EPHB2: variants seen among roughly 807,000 people sequenced by gnomAD.
EPHB2 encodes the protein EPH receptor B2.
Under a neutral mutation model 96.4 loss-of-function variants are expected in EPHB2, and 18 were observed. The observed-to-expected ratio is 0.19, with a 90% CI of 0.13 to 0.28. The LOEUF (loss-of-function observed/expected upper bound fraction) is 0.28, where lower values mean the gene tolerates loss of function less well. EPHB2 is among the 10% of genes least tolerant of loss of function. EPHB2 has a pLI of 1.00. For synonymous variants in EPHB2, 506 were observed against 534.1 expected (o/e 0.95, Z 0.72); for missense variants, 989 against 1,355.4 (o/e 0.73, Z 4.25).
chr1:22,735,518 C>T (rs996263185), intron 1 of EPHB2, among the ~76,000 whole-genome samples: 1 of 152,098 alleles, frequency 6.6e-6, no homozygotes, highest in Non-Finnish European at 1.5e-5. Flanking sequence ...TACTTTCTGC[C>T]TTTGGAAAAG....
chr1:22,750,202 C>G (rs553241035), intron 1 of EPHB2, among the ~76,000 whole-genome samples: 57 of 152,282 alleles, frequency 3.7e-4, no homozygotes, highest in African/African-American at 1.3e-3. Flanking sequence ...GGCCACCTCT[C>G]TATGAAAAGA....
intron 1 of EPHB2, among the ~76,000 whole-genome samples, chr1:22,735,533 C>T (rs890461210): frequency 6.6e-6 from 1 of 152,090 alleles, no homozygotes; most frequent in African/African-American, 2.4e-5. Flanking sequence ...GAAAAGACTG[C>T]TGGCTTACCC....
intron 1 of EPHB2, among the ~76,000 whole-genome samples, chr1:22,724,885 G>C (rs997257317): frequency 1.3e-5 from 2 of 152,170 alleles, no homozygotes; most frequent in African/African-American, 4.8e-5. Flanking sequence ...CCACCATACT[G>C]TTTCATGTTG....
chr1:22,850,506 G>T (rs988846525), intron 3 of EPHB2, among the ~76,000 whole-genome samples: 1 of 152,222 alleles, frequency 6.6e-6, no homozygotes, highest in Admixed American at 6.5e-5. Flanking sequence ...TGCGGGAGGG[G>T]CCTGGGCCTG....
chr1:22,745,076 G>A (rs574058133), intron 1 of EPHB2, among the ~76,000 whole-genome samples: 3 of 152,278 alleles, frequency 2.0e-5, no homozygotes, highest in South Asian at 2.1e-4. Flanking sequence ...CCAAGGGTCA[G>A]CTGTATATAC....
At chr1:22,882,948 C>T (rs1639099541) in intron 6 of EPHB2, 1 of 236,398 alleles carries the variant, frequency 4.2e-6, no homozygotes, top group East Asian at 1.1e-4. Context: ...CACTCGCCTG[C>T]ATGCCCTTTG....
intron 1 of EPHB2, among the ~76,000 whole-genome samples, chr1:22,718,524 T>C (rs1169253561): frequency 6.6e-6 from 1 of 151,782 alleles, no homozygotes. Flanking sequence ...GTAGCTGGGA[T>C]TACAGATGCC....
At chr1:22,817,319 GA>G (rs1255533259) in intron 3 of EPHB2, among the ~76,000 whole-genome samples, 1 of 152,238 alleles carries the variant, frequency 6.6e-6, no homozygotes, top group Non-Finnish European at 1.5e-5. Context: ...ACCACGCTCT[GA>G]AGCAGGTCCT....
Position 22,785,002 on chromosome 1 carries a change from A to G in EPHB2, c.737A>G (p.Glu246Gly). ...AAGCTCTACTGTAACGGGGACGGCG[A>G]GTGGCTGGTGCCCATCGGGCGCTGC... ...PIKLYCNGDG[E>G]WLVPIGRCMC... The change falls in exon 3 of 16, where the codon GAG becomes GGG. Residue 246 changes from glutamate (E) to glycine (G), a missense_variant. Transcript: ENST00000374630. 1.2e-6 allele frequency: 2 copies of G among 1,613,880 alleles called. No individual in the cohort carries two copies. Among genetic ancestry groups the G allele is most frequent in the South Asian group, 1.1e-5 (1 of 91,092 alleles).
chr1:22,815,389 A>C (rs931720144), intron 3 of EPHB2, among the ~76,000 whole-genome samples: 3 of 152,236 alleles, frequency 2.0e-5, no homozygotes, highest in African/African-American at 7.2e-5. Context: ...AAAAGAAATG[A>C]GTTGCCCAAG....
chr1:22,824,584 G>T (rs1278290530), intron 3 of EPHB2, among the ~76,000 whole-genome samples: 1 of 152,232 alleles, frequency 6.6e-6, no homozygotes, highest in Non-Finnish European at 1.5e-5. Flanking sequence ...GACGGGTGGA[G>T]GCTGGGCCTG....
In EPHB2 at chr1:22,773,110, A is replaced by G. The variant is rs146485206; in HGVS notation, c.62-8311A>G. 6.9e-3 allele frequency among the ~76,000 whole-genome samples: 1,054 copies of G among 152,300 alleles called. 35 individuals are homozygous for G. Among genetic ancestry groups the G allele is most frequent in the Admixed American group, 0.049 (746 of 15,282 alleles). ...TATGGTCCAGCCTTTGCATACTGTA[A>G]AAACCTTTGGCTCCCAATGCCTCCT... On this transcript the variant is annotated intron_variant, in intron 1 of 15. Coordinates refer to ENST00000374630, the MANE Select transcript of EPHB2 (RefSeq NM_017449.5).
chr1:22,821,962 G>A (rs1480642106), intron 3 of EPHB2, among the ~76,000 whole-genome samples: 1 of 152,122 alleles, frequency 6.6e-6, no homozygotes, highest in Non-Finnish European at 1.5e-5. Context: ...TGTGGAAGGG[G>A]CAATGGATAA....
rs1465087574 is a variant in EPHB2 at position 22,784,282 on chromosome 1, C to T, written c.127-110C>T. ...GATTGGGAATTCTCTGATGTCTTCA[C>T]CATTAGACTGGAGGGTTCCCTAAGG... On this transcript the variant is annotated intron_variant, in intron 2 of 15. Coordinates refer to ENST00000374630, the MANE Select transcript of EPHB2 (RefSeq NM_017449.5). This position sits in a 1 kb window ranked among gnomAD's most constrained non-coding sequence, Gnocchi z 5.1. 1.0e-6 allele frequency: 1 copy of T among 1,002,376 alleles called. No individual in the cohort carries two copies. Among genetic ancestry groups the T allele is most frequent in the Admixed American group, 1.9e-5 (1 of 51,414 alleles). 62.1% of individuals were successfully genotyped at this position (1,002,376 alleles called of 1,614,324 possible). A position where few individuals can be genotyped will look rare whatever the true frequency, so the allele number is the denominator to read the frequency against.
intron 5 of EPHB2, among the ~76,000 whole-genome samples, chr1:22,880,793 T>C (rs1322972355): frequency 1.3e-5 from 2 of 152,264 alleles, no homozygotes; most frequent in Non-Finnish European, 2.9e-5. Flanking sequence ...CAGGGCCATG[T>C]CTACACAGAG....
chr1:22,900,122 C>T (rs1031685554), intron 9 of EPHB2, among the ~76,000 whole-genome samples: 6 of 151,880 alleles, frequency 4.0e-5, no homozygotes, highest in Non-Finnish European at 8.8e-5. Flanking sequence ...GGTAAAACCC[C>T]GTCTCTACTA....
intron 1 of EPHB2, among the ~76,000 whole-genome samples, chr1:22,737,082 TGTG>T (rs1454571246): frequency 4.6e-5 from 7 of 152,166 alleles, no homozygotes; most frequent in African/African-American, 1.7e-4. Flanking sequence ...CTGGCTGCCT[TGTG>T]GTTCTCAGGA....
rs1167481527 is a variant in EPHB2 at position 22,809,262 on chromosome 1, C to T, written c.811+24186C>T. Among the ~76,000 whole-genome samples the T allele has an allele frequency of 2.6e-5, 4 of 152,186 alleles. No individual in the cohort carries two copies. The South Asian group carries it at 8.3e-4, about 32-fold the overall frequency. On this transcript the variant is annotated intron_variant, in intron 3 of 15. Coordinates refer to ENST00000374630, the MANE Select transcript of EPHB2 (RefSeq NM_017449.5). ...AAGGGAAAATTAACGAGCTGCTCCC[C>T]GGCAATTGGCAGTTTCCAGGCACCA...
At chr1:22,806,651 C>T in intron 3 of EPHB2, among the ~76,000 whole-genome samples, 1 of 152,244 alleles carries the variant, frequency 6.6e-6, no homozygotes, top group East Asian at 1.9e-4. Flanking sequence ...CCCCGCCAGG[C>T]AGGTGTTAGC....
Sources: gnomAD v4.1 joint callset for allele counts (sites outside exome capture counted in the v4.1 genomes callset) on GRCh38, gnomAD v4.1.1 for gene constraint, Gnocchi (gnomAD v3.1) non-coding constraint, MANE v1.5 for transcripts, NCBI Gene and HGNC (gene_info 2026-07-23, HGNC 2026-07-21) for gene names.